The following LMF1 variants were observed in gnomAD, a reference collection of about 807,000 sequenced individuals.
The protein encoded by LMF1 is lipase maturation factor 1, also known as transmembrane protein 112.
A neutral mutation model predicts 60.6 loss-of-function variants in LMF1; 68 were observed. That is an observed-to-expected ratio of 1.12 (90% confidence interval 0.92 to 1.37). The LOEUF is 1.37. Among genes scored for constraint, LMF1 ranks in the 40% most tolerant of loss-of-function variants. LMF1 has a pLI of 0.00. For missense variants in LMF1, 948 were observed against 767.2 expected, an observed-to-expected ratio of 1.24 and a Z score of -2.78; for synonymous variants, 418 against 324.7, an observed-to-expected ratio of 1.29 and a Z score of -3.09.
At chr16:856,658 G>GT (rs2151676282) in intron 10 of LMF1, among the ~76,000 whole-genome samples, 1 of 152,306 alleles carries the variant, frequency 6.6e-6, no homozygotes, top group African/African-American at 2.4e-5. Context: ...TTTGGAAAGG[G>GT]TTTTGGAAAG....
chr16:953,226 C>G (rs1218115591), intron 2 of LMF1, among the ~76,000 whole-genome samples: 4 of 105,666 alleles, frequency 3.8e-5, no homozygotes, highest in African/African-American at 1.1e-4. Context: ...CACCCCAAAC[C>G]AGCCTCCTAC....
rs187705849 is a variant in LMF1, at chr16:861,113, G to A, written c.1530-6407C>T. Among the ~76,000 whole-genome samples, 21 of 152,172 alleles carry A rather than the reference G, an allele frequency of 1.4e-4. No individual in the cohort carries two copies. The East Asian group carries it at 1.5e-3, about 11-fold the overall frequency. On this transcript the variant is annotated intron_variant, in intron 10 of 10. Coordinates refer to ENST00000262301, the MANE Select transcript of LMF1 (RefSeq NM_022773.4). ...TATCTTCCAACCCACGAACGCGGCC[G>A]TGTCTCTAGGTGTGTGCTGACGTCT...
intron 6 of LMF1, 49 bp downstream of exon 6, chr16:879,521 G>A (rs1395249752): frequency 2.4e-5 from 39 of 1,593,994 alleles, no homozygotes; most frequent in Non-Finnish European, 3.0e-5. Context: ...ATAGGGCGAC[G>A]GGCCAGCGTC....
At chr16:924,597 T>C (rs1473638449) in intron 3 of LMF1, among the ~76,000 whole-genome samples, 1 of 152,208 alleles carries the variant, frequency 6.6e-6, no homozygotes, top group East Asian at 1.9e-4. Context: ...CATCGGCCAC[T>C]GTCAGGGGCA....
intron 2 of LMF1, among the ~76,000 whole-genome samples, chr16:951,086 A>G (rs1206894816): frequency 3.1e-5 from 3 of 97,504 alleles, no homozygotes; most frequent in Non-Finnish European, 5.6e-5. Flanking sequence ...TCAGCCAACG[A>G]CAGAGTCAGA....
At chr16:966,711 A>G (rs1455832103) in intron 1 of LMF1, among the ~76,000 whole-genome samples, 2 of 152,198 alleles carry the variant, frequency 1.3e-5, no homozygotes, top group Non-Finnish European at 2.9e-5. Context: ...TGTCAGCCTC[A>G]GGACGGCCCA....
intron 1 of LMF1, among the ~76,000 whole-genome samples, chr16:960,461 C>T (rs375147818): frequency 8.1e-5 from 8 of 99,330 alleles, no homozygotes; most frequent in African/African-American, 2.1e-4. Flanking sequence ...GGTGACAGCA[C>T]GGGATCACGA....
chr16:934,311 C>G, intron 2 of LMF1, 57 bp from the exon 3 acceptor site: 1 of 1,594,578 alleles, frequency 6.3e-7, no homozygotes, highest in East Asian at 2.2e-5. Flanking sequence ...AACCAAAAAC[C>G]CACTGTTTCC....
Position 954,100 on chromosome 16 carries a change from C to G in LMF1, c.503+257G>C, listed in dbSNP as rs1299751498. 21 of 594,624 alleles carry G rather than the reference C, an allele frequency of 3.5e-5. No homozygotes were observed. The Admixed American group carries it at 4.6e-4, about 13-fold the overall frequency. 36.8% of individuals were successfully genotyped at this position (594,624 alleles called of 1,614,324 possible). On this transcript the variant is annotated intron_variant, in intron 2 of 10. Coordinates refer to ENST00000262301, the MANE Select transcript of LMF1 (RefSeq NM_022773.4). ...TGCCTCCCTTTCCCCATCCCTCTGG[C>G]TCCAGTAAGCTGGCAACGCAGTCCT...
intron 10 of LMF1, among the ~76,000 whole-genome samples, chr16:862,086 C>T (rs1278135638): frequency 6.6e-6 from 1 of 150,580 alleles, no homozygotes; most frequent in East Asian, 2.0e-4. Flanking sequence ...GACTGATTCT[C>T]AAATACGGAA....
chr16:935,471 C>T (rs2071913151), intron 2 of LMF1, among the ~76,000 whole-genome samples: 4 of 151,428 alleles, frequency 2.6e-5, no homozygotes, highest in South Asian at 4.2e-4. Flanking sequence ...TCAGGGTTGT[C>T]GGTTGTCCAA....
In LMF1 at chr16:871,195, C is replaced by T. The variant is rs1322109830; in HGVS notation, c.1044G>A (p.Arg348=). ...GCTCGGGCCGGGCCCCTCGGATGTC[C>T]CTCTGCATCTGCAGAACTCGGTCCT... ...SLKDRVLQMQ[R]DIRGARPEPR... The change falls in exon 7 of 11, where the codon AGG becomes AGA. Residue 348 remains arginine (R), a synonymous_variant. Transcript: ENST00000262301. The T allele has an allele frequency of 1.9e-6, 3 of 1,609,682 alleles. No homozygotes were observed. The highest frequency in any genetic ancestry group is 2.5e-6 in the Non-Finnish European group (3 of 1,178,738).
At chr16:877,412 G>C (rs944845376) in intron 6 of LMF1, among the ~76,000 whole-genome samples, 3 of 152,210 alleles carry the variant, frequency 2.0e-5, no homozygotes, top group African/African-American at 7.2e-5. Flanking sequence ...CCTCATGCAG[G>C]AGCACTGCCA....
intron 3 of LMF1, among the ~76,000 whole-genome samples, chr16:918,279 G>T (rs781575327): frequency 1.3e-5 from 2 of 152,178 alleles, no homozygotes; most frequent in South Asian, 2.1e-4. Context: ...CGGCTTGTTC[G>T]TACTTGGTTG....
intron 4 of LMF1, among the ~76,000 whole-genome samples, chr16:908,553 G>A (rs1022570263): frequency 6.6e-6 from 1 of 152,198 alleles, no homozygotes; most frequent in African/African-American, 2.4e-5. Context: ...ACAAGCCCTG[G>A]GGGCCTGCTC....
chr16:884,363 G>T (rs1596900681), intron 5 of LMF1, among the ~76,000 whole-genome samples: 1 of 152,300 alleles, frequency 6.6e-6, no homozygotes, highest in African/African-American at 2.4e-5. Flanking sequence ...TGTACATAAG[G>T]AGTTGTCACA....
At chr16:893,284 G>C in intron 4 of LMF1, 1 of 664,592 alleles carries the variant, frequency 1.5e-6, no homozygotes, top group East Asian at 2.9e-5. Context: ...CAGGAGTTTA[G>C]TGCACACCGC....
At chr16:902,696 G>A (rs1346955952) in intron 4 of LMF1, 2 of 153,932 alleles carry the variant, frequency 1.3e-5, no homozygotes, top group South Asian at 1.7e-4. Flanking sequence ...GGGGACGCCC[G>A]TCTCTGCTGC....
intron 1 of LMF1, among the ~76,000 whole-genome samples, chr16:978,272 C>T (rs1210147273): frequency 6.7e-6 from 1 of 150,192 alleles, no homozygotes; most frequent in Non-Finnish European, 1.5e-5. Flanking sequence ...ACACACTATA[C>T]ACGCACCACA....
Sources: allele counts gnomAD v4.1 joint callset (sites outside exome capture counted in the v4.1 genomes callset), GRCh38; gene constraint gnomAD v4.1.1; transcripts MANE v1.5; gene names NCBI Gene and HGNC (gene_info 2026-07-23, HGNC 2026-07-21).